The following FAM131A variants were observed in gnomAD, a reference collection of about 807,000 sequenced individuals.
The protein encoded by FAM131A is family with sequence similarity 131 member A, also known as protein FAM131A.
Under a neutral mutation model 39.2 loss-of-function variants are expected in FAM131A, and 24 were observed. The ratio of observed to expected loss-of-function variants is 0.61; its 90% CI spans 0.44 to 0.86. The LOEUF (loss-of-function observed/expected upper bound fraction) is 0.86, where lower values mean the gene tolerates loss of function less well. Among genes scored for constraint, FAM131A ranks in the 40% least tolerant of loss-of-function variants. The pLI, the probability that FAM131A is intolerant of heterozygous loss-of-function variation, is 0.00. For synonymous variants in FAM131A, 202 were observed against 206.8 expected (o/e 0.98, Z 0.20); for missense variants, 373 against 481.2 (o/e 0.78, Z 2.10).
chr3:184,341,950 C>G (rs759740380), intron 3 of FAM131A, 116 bp from the exon 4 acceptor site: 1 of 1,502,128 alleles, frequency 6.7e-7, no homozygotes, highest in African/African-American at 1.4e-5. Flanking sequence ...ATCTCAGCCC[C>G]TTCTCCCACC....
chr3:184,342,766 C>T lies in FAM131A; in HGVS notation c.531C>T (p.Ile177=). 1.2e-6 allele frequency: 2 copies of T among 1,613,494 alleles called. No homozygotes were observed. The highest frequency in any genetic ancestry group is 1.7e-6 in the Non-Finnish European group (2 of 1,179,596). ...CAGGAGTGGCTGAGCAGTTTGCCAT[C>T]GCGGAAGCCAAGCTCCGAGCATGGT... ...FAAGVAEQFA[I]AEAKLRAWSS... is the part of the protein sequence containing the mutation. Residue 177 remains isoleucine, a synonymous_variant, in exon 5 of 6, where the codon ATC becomes ATT. Coordinates refer to ENST00000383847, the MANE Select transcript of FAM131A (RefSeq NM_144635.5). This position sits in a 1 kb window ranked among gnomAD's most constrained non-coding sequence, Gnocchi z 4.6.
Position 184,342,289 on chromosome 3 carries a change from GGCT to G in FAM131A, c.508+45_508+47del, listed in dbSNP as rs762359380. On this transcript the variant is annotated intron_variant, in intron 4 of 5. Transcript: ENST00000383847. The surrounding 1 kb of genome is among the most constrained non-coding windows in gnomAD (Gnocchi z 4.6). The stretch of plus-strand genomic sequence containing the variant: ...GGGATAAGCTACACTCTTGGCACAG[GGCT>G]GCTTTCTTTCTTTATTTTATTTAAT... 2 of 1,527,390 alleles carry G rather than the reference GGCT, an allele frequency of 1.3e-6. No individual in the cohort carries two copies. Among genetic ancestry groups the G allele is most frequent in the Non-Finnish European group, 1.7e-6 (2 of 1,143,380 alleles). The allele number at this position is 1,527,390 out of a possible 1,614,324, so 94.6% of individuals were successfully genotyped here.
chr3:184,341,946 GC>G (rs761753813), intron 3 of FAM131A, 119 bp from the exon 4 acceptor site: 6 of 1,500,426 alleles, frequency 4.0e-6, no homozygotes, highest in South Asian at 2.3e-5. Flanking sequence ...GTGAATCTCA[GC>G]CCCTTCTCCC....
chr3:184,344,240 C>T lies in FAM131A; in HGVS notation c.626-255C>T, dbSNP rs565703889. On this transcript the variant is annotated intron_variant, in intron 5 of 5. Transcript: ENST00000383847. ...CCTCAGGTGATCCACCTGCCTCGGC[C>T]TCCCAAAGTGCTGGGATTACAGGCG... 6.0e-4 allele frequency among the ~76,000 whole-genome samples: 92 copies of T among 152,344 alleles called. 2 individuals carry two copies. Among genetic ancestry groups the T allele is most frequent in the South Asian group, 2.1e-4 (1 of 4,830 alleles).
At chr3:184,343,812 AC>A (rs1321686467) in intron 5 of FAM131A, among the ~76,000 whole-genome samples, 3 of 152,196 alleles carry the variant, frequency 2.0e-5, no homozygotes, top group Non-Finnish European at 2.9e-5. Flanking sequence ...AGAAAAAGGC[AC>A]CCCTTTCTCT....
At position 184,344,724 on chromosome 3, in the gene FAM131A, G is replaced by A; in HGVS notation, c.855G>A (p.Leu285=). The change falls in exon 6 of 6, where the codon CTG becomes CTA. Residue 285 remains leucine (L), a synonymous_variant. Coordinates refer to ENST00000383847, the MANE Select transcript of FAM131A (RefSeq NM_144635.5). ...LLGDELLLAK[L]PPSRESAFRS... is the part of the protein sequence containing the mutation. ...GCGATGAGCTGCTTCTCGCCAAACT[G>A]CCCCCCAGCCGGGAAAGTGCCTTCC... 1.2e-6 allele frequency: 2 copies of A among 1,612,154 alleles called. No individual in the cohort carries two copies. The highest frequency in any genetic ancestry group is 2.2e-5 in the East Asian group (1 of 44,878).
intron 2 of FAM131A, chr3:184,341,511 C>T (rs569050638): frequency 2.6e-4 from 152 of 591,634 alleles, no homozygotes; most frequent in Middle Eastern, 9.0e-4. Flanking sequence ...TTTTGCTTCT[C>T]GGGGCCTGTC....
In FAM131A at chr3:184,344,676, C is replaced by T; in HGVS notation, c.807C>T (p.Ala269=). The T allele has an allele frequency of 1.2e-6, 2 of 1,612,532 alleles. No homozygotes were observed. Among genetic ancestry groups the T allele is most frequent in the Non-Finnish European group, 1.7e-6 (2 of 1,179,804 alleles). ...SLEDGLLGSP[A]RLASQLLGDE... Reference sequence around the variant, plus strand: ...AGGATGGGTTGTTGGGCTCCCCGGCCCGGCTGGCCTCCCAGCTGCTGGGCG... The same window carrying T: ...AGGATGGGTTGTTGGGCTCCCCGGCTCGGCTGGCCTCCCAGCTGCTGGGCG... The change falls in exon 6 of 6, where the codon GCC becomes GCT. Residue 269 remains alanine (A), a synonymous_variant. Transcript: ENST00000383847.
rs1727372199 is a variant in FAM131A at position 184,341,413 on chromosome 3, T to A, written c.232-311T>A. ...ACTCTTCTTCCTTCCTCCTCTTCCC[T>A]CTCCTCAGAGGTCTCACTCGTGGTT... On this transcript the variant is annotated intron_variant, in intron 2 of 5. Transcript: ENST00000383847. 6.9e-6 allele frequency: 3 copies of A among 432,832 alleles called. No homozygotes were observed. In the East Asian group the frequency reaches 1.3e-4, roughly 19 times the overall value. The allele number at this position is 432,832 out of a possible 1,614,324, so 26.8% of individuals were successfully genotyped here.
intron 1 of FAM131A, among the ~76,000 whole-genome samples, chr3:184,337,994 G>A (rs1727195429): frequency 6.6e-6 from 1 of 152,144 alleles, no homozygotes; most frequent in South Asian, 2.1e-4. Context: ...AAGAGAGAAG[G>A]AAGGCAACCC....
chr3:184,342,023 G>A lies in FAM131A; in HGVS notation c.326-43G>A. ...CACCTCCCTGCACCTGTGCTCCCTG[G>A]CCTGGTCCTTTACCAGGCTTCTCCA... On this transcript the variant is annotated intron_variant, in intron 3 of 5. Coordinates refer to ENST00000383847, the MANE Select transcript of FAM131A (RefSeq NM_144635.5). This position sits in a 1 kb window ranked among gnomAD's most constrained non-coding sequence, Gnocchi z 4.6. 2 of 1,612,292 alleles carry A rather than the reference G, an allele frequency of 1.2e-6. No individual in the cohort carries two copies. Among genetic ancestry groups the A allele is most frequent in the South Asian group, 1.1e-5 (1 of 91,056 alleles).
chr3:184,337,514 A>G (rs1199378456), upstream of FAM131A: 2 of 869,182 alleles, frequency 2.3e-6, no homozygotes, highest in South Asian at 1.5e-5. Context: ...GTGACTAGGC[A>G]CAGGTTCCAA....
In FAM131A at chr3:184,344,871, A is replaced by T; in HGVS notation, c.1002A>T (p.Pro334=). ...AGGACTGCCAGCCACTCTGCCCACC[A>T]CTAACGGGCAGCTGGGAACGGCAGC... ...PCKDCQPLCP[P]LTGSWERQRQ... Residue 334 remains proline (P), a synonymous_variant, in exon 6 of 6, where the codon CCA becomes CCT. Transcript: ENST00000383847. 6.2e-7 allele frequency: 1 copy of T among 1,610,968 alleles called. No individual in the cohort carries two copies. Among genetic ancestry groups the T allele is most frequent in the South Asian group, 1.1e-5 (1 of 91,070 alleles).
intron 2 of FAM131A, chr3:184,340,314 A>AT (rs3064292): frequency 0.034 from 2,610 of 75,806 alleles, 127 homozygotes; most frequent in South Asian, 0.04. Context: ...CAGCCTATGC[A>AT]TTTTTTTTTT....
intron 1 of FAM131A, among the ~76,000 whole-genome samples, chr3:184,338,061 C>CAA (rs777700020): frequency 3.3e-5 from 5 of 151,952 alleles, no homozygotes; most frequent in Non-Finnish European, 5.9e-5. Context: ...CGGAAGAACT[C>CAA]AGTGTGCTTT....
upstream of FAM131A, chr3:184,337,561 C>T: frequency 6.9e-7 from 1 of 1,446,968 alleles, no homozygotes; most frequent in South Asian, 1.2e-5. Flanking sequence ...GGAGCCAAAA[C>T]AGGAATAGAA....
At chr3:184,336,632 C>G (rs1727119241), upstream of FAM131A, among the ~76,000 whole-genome samples, 1 of 152,212 alleles carries the variant, frequency 6.6e-6, no homozygotes, top group African/African-American at 2.4e-5. This position sits in a 1 kb window ranked among gnomAD's most constrained non-coding sequence, Gnocchi z 5.5. Context: ...TTTTGTCGGA[C>G]ATTGACTCCC....
chr3:184,339,356 C>T (rs1727267938), intron 2 of FAM131A: 1 of 152,286 alleles, frequency 6.6e-6, no homozygotes, highest in African/African-American at 2.4e-5. Context: ...GTAAGGATGG[C>T]ATTCTTGGCC....
At chr3:184,337,592 G>A (rs779126703), upstream of FAM131A, 4 of 1,526,822 alleles carry the variant, frequency 2.6e-6, no homozygotes, top group Middle Eastern at 1.7e-4. Context: ...AGCCTGGAGC[G>A]GTTCTGGGCT....
Sources: allele counts gnomAD v4.1 joint callset (sites outside exome capture counted in the v4.1 genomes callset), GRCh38; gene constraint gnomAD v4.1.1; non-coding constraint Gnocchi (gnomAD v3.1); transcripts MANE v1.5; gene names NCBI Gene and HGNC (gene_info 2026-07-23, HGNC 2026-07-21).